The following HAPLN1 variants were observed in gnomAD, a reference collection of about 807,000 sequenced individuals.
HAPLN1 encodes Cartilage link protein.
In HAPLN1, 13 loss-of-function variants were observed where a neutral mutation model predicts 36.5. The observed-to-expected ratio is 0.36, with a 90% CI of 0.23 to 0.57. The LOEUF is 0.57. Ranked by LOEUF, HAPLN1 falls within the 20% of genes least tolerant of loss-of-function variation. HAPLN1 has a pLI of 0.83. For missense variants in HAPLN1, 407 were observed against 439.7 expected (o/e 0.93, Z 0.66); for synonymous variants, 202 against 169.8 (o/e 1.19, Z -1.48).
intron 1 of HAPLN1, among the ~76,000 whole-genome samples, chr5:83,711,317 C>T (rs975240825): frequency 6.6e-5 from 10 of 152,242 alleles, no homozygotes; most frequent in African/African-American, 2.4e-4. Context: ...ATACAGCTGA[C>T]ATCAAATACC....
chr5:83,642,038 C>T (rs2112549336), intron 4 of HAPLN1, among the ~76,000 whole-genome samples: 1 of 152,224 alleles, frequency 6.6e-6, no homozygotes, highest in African/African-American at 2.4e-5. Flanking sequence ...AGGGAAATGG[C>T]AGATGCAGTT....
intron 1 of HAPLN1, among the ~76,000 whole-genome samples, chr5:83,705,388 A>C (rs1751616106): frequency 1.1e-4 from 2 of 17,460 alleles, no homozygotes; most frequent in Middle Eastern, 0.029. Context: ...GAAACGTCAC[A>C]AAAAAAAAAA....
intron 1 of HAPLN1, among the ~76,000 whole-genome samples, chr5:83,677,505 C>A (rs1750886299): frequency 6.6e-6 from 1 of 152,188 alleles, no homozygotes; most frequent in Admixed American, 6.5e-5. Context: ...GACTGGATGT[C>A]CAGCCAAGAC....
rs1750107541 is a variant in HAPLN1, at chr5:83,652,778, C to T, written c.147G>A (p.Val49=). 1.2e-6 allele frequency: 2 copies of T among 1,612,446 alleles called. No homozygotes were observed. Among genetic ancestry groups the T allele is most frequent in the Non-Finnish European group, 8.5e-7 (1 of 1,178,774 alleles). The change falls in exon 3 of 5, where the codon GTG becomes GTA. Residue 49 remains valine, a synonymous_variant. Coordinates refer to ENST00000274341, the MANE Select transcript of HAPLN1 (RefSeq NM_001884.4). ...HLLVEAEQAK[V]FSHRGGNVTL... Reference sequence around the variant, plus strand: ...TAACATTGCCACCTCTGTGTGAAAACACCTTGGCTTGCTCTGCTTCCACAA... The same window carrying T: ...TAACATTGCCACCTCTGTGTGAAAATACCTTGGCTTGCTCTGCTTCCACAA...
chr5:83,707,443 G>A lies in HAPLN1; in HGVS notation c.-27+13346C>T, dbSNP rs187730153. ...CAAACAAGACCACTCACCTATGACC[G>A]TCTGATCTTTGACAAAACTGATAAA... On this transcript the variant is annotated intron_variant, in intron 1 of 4. Coordinates refer to ENST00000274341, the MANE Select transcript of HAPLN1 (RefSeq NM_001884.4). 5.5e-4 allele frequency among the ~76,000 whole-genome samples: 83 copies of A among 152,144 alleles called. No homozygotes were observed. In the East Asian group the frequency reaches 0.013, roughly 24 times the overall value.
chr5:83,669,906 C>T (rs1750659209), intron 2 of HAPLN1, among the ~76,000 whole-genome samples: 1 of 152,092 alleles, frequency 6.6e-6, no homozygotes, highest in South Asian at 2.1e-4. Flanking sequence ...GTAAATTTTC[C>T]AAGGTCTAAG....
At chr5:83,709,636 G>A (rs1420678393) in intron 1 of HAPLN1, among the ~76,000 whole-genome samples, 1 of 152,166 alleles carries the variant, frequency 6.6e-6, no homozygotes, top group East Asian at 1.9e-4. Flanking sequence ...AAGTTTAGAT[G>A]AGGCTGCTTT....
chr5:83,646,548 C>A (rs1042513175), intron 3 of HAPLN1, among the ~76,000 whole-genome samples: 1 of 152,216 alleles, frequency 6.6e-6, no homozygotes, highest in Non-Finnish European at 1.5e-5. Flanking sequence ...GTAGGGCAAT[C>A]CAGCTGGCAC....
chr5:83,688,347 T>A (rs540314307), intron 1 of HAPLN1, among the ~76,000 whole-genome samples: 1 of 152,124 alleles, frequency 6.6e-6, no homozygotes, highest in Non-Finnish European at 1.5e-5. Flanking sequence ...GCTCCACATA[T>A]CCCGATGTAG....
intron 2 of HAPLN1, among the ~76,000 whole-genome samples, chr5:83,663,153 G>A (rs566617012): frequency 7.9e-5 from 12 of 152,176 alleles, no homozygotes; most frequent in South Asian, 2.1e-4. Flanking sequence ...CACAGGCCCC[G>A]TTCTAAACAG....
chr5:83,696,349 A>G (rs1215284872), intron 1 of HAPLN1, among the ~76,000 whole-genome samples: 3 of 152,158 alleles, frequency 2.0e-5, no homozygotes, highest in Non-Finnish European at 1.5e-5. Flanking sequence ...CATAAATTCA[A>G]TGCATTCAAA....
rs576887447 is a variant in HAPLN1, at chr5:83,693,066, G to A, written c.-26-19517C>T. 3.3e-5 allele frequency among the ~76,000 whole-genome samples: 5 copies of A among 151,922 alleles called. 1 individual carries two copies. In the South Asian group the frequency reaches 1.0e-3, roughly 31 times the overall value. On this transcript the variant is annotated intron_variant, in intron 1 of 4. Coordinates refer to ENST00000274341, the MANE Select transcript of HAPLN1 (RefSeq NM_001884.4). ...TTAATTTATAAATTAGGCACAGTAA[G>A]AAATTAACAATAATAAAATGGAGCA...
chr5:83,703,722 C>T (rs1028690361), intron 1 of HAPLN1, among the ~76,000 whole-genome samples: 1 of 152,066 alleles, frequency 6.6e-6, no homozygotes, highest in African/African-American at 2.4e-5. Context: ...CTACAAATCA[C>T]TGGCATTCCT....
intron 1 of HAPLN1, among the ~76,000 whole-genome samples, chr5:83,698,882 G>A (rs1029548043): frequency 6.6e-6 from 1 of 152,108 alleles, no homozygotes; most frequent in Non-Finnish European, 1.5e-5. Context: ...GATATAGAAG[G>A]TTTCTCCAAA....
intron 1 of HAPLN1, among the ~76,000 whole-genome samples, chr5:83,693,975 A>G (rs897714299): frequency 6.6e-6 from 1 of 151,968 alleles, no homozygotes; most frequent in Non-Finnish European, 1.5e-5. Flanking sequence ...AAAATGTTCT[A>G]CTCAACAAGA....
rs1017173747 is a variant in HAPLN1 at position 83,640,220 on chromosome 5, T to C, written c.*1276A>G. ...AAAACAGAGCTTTATTTAAGAAGAT[T>C]GGAGCTGCTAATGTGGAAAATTGTG... is the stretch of plus-strand genomic sequence containing the variant. On this transcript the variant is annotated 3_prime_UTR_variant, in exon 5 of 5. Coordinates refer to ENST00000274341, the MANE Select transcript of HAPLN1 (RefSeq NM_001884.4). 4 of 152,148 alleles carry C rather than the reference T, an allele frequency of 2.6e-5. No individual in the cohort carries two copies. The highest frequency in any genetic ancestry group is 9.7e-5 in the African/African-American group (4 of 41,448). 9.4% of individuals were successfully genotyped at this position (152,148 alleles called of 1,614,324 possible). A position where few individuals can be genotyped will look rare whatever the true frequency, so the allele number is the denominator to read the frequency against.
chr5:83,693,555 A>T (rs1300979424), intron 1 of HAPLN1, among the ~76,000 whole-genome samples: 1 of 148,200 alleles, frequency 6.7e-6, no homozygotes, highest in Non-Finnish European at 1.5e-5. Flanking sequence ...GTCAGGTTGG[A>T]TTTAAAAGAA....
At chr5:83,693,304 A>G (rs1006593026) in intron 1 of HAPLN1, among the ~76,000 whole-genome samples, 1 of 151,916 alleles carries the variant, frequency 6.6e-6, no homozygotes, top group Non-Finnish European at 1.5e-5. Context: ...TATAAAACCT[A>G]AAGCAGCCAG....
chr5:83,661,197 C>CATCTATATCTAT (rs143407538), intron 2 of HAPLN1, among the ~76,000 whole-genome samples: 9,216 of 148,216 alleles, frequency 0.062, 373 homozygotes, highest in Non-Finnish European at 0.089. Context: ...ATGTCTTTGT[C>CATCTATATCTAT]ATCTATATCT....
Sources: gnomAD v4.1 joint callset for allele counts (sites outside exome capture counted in the v4.1 genomes callset) on GRCh38, gnomAD v4.1.1 for gene constraint, MANE v1.5 for transcripts, NCBI Gene and HGNC (gene_info 2026-07-23, HGNC 2026-07-21) for gene names.